ROBO1: variants seen among roughly 807,000 people sequenced by gnomAD.
The protein encoded by ROBO1 is roundabout homolog 1.
Under a neutral mutation model 195.9 loss-of-function variants are expected in ROBO1, and 149 were observed. That is an observed-to-expected ratio of 0.76 (90% confidence interval 0.67 to 0.87). ROBO1 has a LOEUF of 0.87. Among genes scored for constraint, ROBO1 ranks in the 40% least tolerant of loss-of-function variants. ROBO1 has a pLI of 0.00. For missense variants in ROBO1, 1,933 were observed against 2,068.3 expected, an observed-to-expected ratio of 0.93 and a Z score of 1.27; for synonymous variants, 816 against 733.2, an observed-to-expected ratio of 1.11 and a Z score of -1.82.
chr3:78,869,824 C>A (rs965742547), intron 4 of ROBO1, among the ~76,000 whole-genome samples: 1 of 152,102 alleles, frequency 6.6e-6, no homozygotes, highest in African/African-American at 2.4e-5. Context: ...ATTAGTAATA[C>A]CTTCTTCACT....
intron 1 of ROBO1, among the ~76,000 whole-genome samples, chr3:79,713,934 T>C (rs1489402868): frequency 6.6e-6 from 1 of 152,160 alleles, no homozygotes; most frequent in Non-Finnish European, 1.5e-5. Flanking sequence ...GAGGGCTCTG[T>C]TCTGTTCCAT....
intron 2 of ROBO1, among the ~76,000 whole-genome samples, chr3:79,300,890 C>G (rs1041524828): frequency 6.6e-6 from 1 of 152,090 alleles, no homozygotes; most frequent in Non-Finnish European, 1.5e-5. Context: ...TCTAGCTAAT[C>G]TGTTGGGGAG....
intron 2 of ROBO1, among the ~76,000 whole-genome samples, chr3:79,577,902 ACT>A (rs1274314762): frequency 1.3e-5 from 2 of 151,954 alleles, no homozygotes; most frequent in African/African-American, 2.4e-5. Flanking sequence ...ACAGAGGGAG[ACT>A]CTGTCTCAAA....
chr3:79,562,155 G>A (rs1479039342), intron 2 of ROBO1, among the ~76,000 whole-genome samples: 2 of 152,006 alleles, frequency 1.3e-5, no homozygotes, highest in African/African-American at 4.8e-5. Flanking sequence ...AGTTCAAAAT[G>A]TTCTGTCTAT....
intron 17 of ROBO1, among the ~76,000 whole-genome samples, chr3:78,659,156 A>C (rs1707223906): frequency 6.6e-6 from 1 of 152,180 alleles, no homozygotes; most frequent in South Asian, 2.1e-4. Context: ...TTAAGAAAAC[A>C]CTTAAAAGTA....
chr3:78,600,157 G>A lies in ROBO1; in HGVS notation c.4897C>T (p.Leu1633Phe). 6.2e-7 allele frequency: 1 copy of A among 1,613,214 alleles called. No homozygotes were observed. Among genetic ancestry groups the A allele is most frequent in the Non-Finnish European group, 8.5e-7 (1 of 1,179,480 alleles). The change falls in exon 30 of 31, where the codon CTT (leucine) becomes TTT (phenylalanine). Residue 1633 changes from leucine to phenylalanine, a missense_variant. Transcript: ENST00000464233. ...TCTTCTCCTCTTTCATATCCTCCAA[G>A]TACCTGCATTTCTGCAATATTTCTT... ...GRRNIAEMQV[L>F]GGYERGEDNN...
intron 1 of ROBO1, among the ~76,000 whole-genome samples, chr3:79,707,276 G>A (rs967761359): frequency 1.3e-5 from 2 of 152,048 alleles, no homozygotes; most frequent in Admixed American, 1.3e-4. Flanking sequence ...TACCAAATTC[G>A]TGGGCCTAGA....
chr3:79,689,364 C>T (rs574741456), intron 1 of ROBO1, among the ~76,000 whole-genome samples: 6 of 152,054 alleles, frequency 3.9e-5, no homozygotes, highest in South Asian at 2.1e-4. Flanking sequence ...TAGAAACAAA[C>T]GCTGGGTGCC....
chr3:78,873,848 A>G (rs950041437), intron 4 of ROBO1, among the ~76,000 whole-genome samples: 2 of 152,096 alleles, frequency 1.3e-5, no homozygotes, highest in African/African-American at 4.8e-5. Flanking sequence ...CTCACTGAAT[A>G]TATACAGCAA....
At chr3:78,869,370 C>T (rs148275375) in intron 4 of ROBO1, among the ~76,000 whole-genome samples, 21 of 152,206 alleles carry the variant, frequency 1.4e-4, no homozygotes, top group African/African-American at 4.8e-4. Context: ...TTTAAACAAA[C>T]GTTGATCTTT....
At chr3:79,607,693 G>A (rs933076918) in intron 1 of ROBO1, among the ~76,000 whole-genome samples, 1 of 150,978 alleles carries the variant, frequency 6.6e-6, no homozygotes, top group African/African-American at 2.4e-5. Context: ...TCTGATGAAA[G>A]TGAATTTAGA....
At chr3:79,054,829 G>T (rs1381460964) in intron 3 of ROBO1, among the ~76,000 whole-genome samples, 1 of 152,068 alleles carries the variant, frequency 6.6e-6, no homozygotes, top group Admixed American at 6.6e-5. Flanking sequence ...CCAGTCCCAG[G>T]CCCCAATATC....
chr3:79,478,238 T>A (rs1353031102), intron 2 of ROBO1, among the ~76,000 whole-genome samples: 2 of 152,040 alleles, frequency 1.3e-5, no homozygotes, highest in Non-Finnish European at 2.9e-5. Context: ...TGCCAAACGA[T>A]CGTCTTGGAG....
chr3:79,519,601 C>G (rs1426667698), intron 2 of ROBO1, among the ~76,000 whole-genome samples: 1 of 121,118 alleles, frequency 8.3e-6, no homozygotes, highest in Admixed American at 1.1e-4. Context: ...TGCACTCCAG[C>G]CTGGGTGACA....
chr3:79,373,633 A>G (rs981893817), intron 2 of ROBO1, among the ~76,000 whole-genome samples: 1 of 152,242 alleles, frequency 6.6e-6, no homozygotes, highest in Non-Finnish European at 1.5e-5. Context: ...ATGGAATTGT[A>G]TCTGATCTTT....
intron 1 of ROBO1, among the ~76,000 whole-genome samples, chr3:79,730,741 T>C (rs1703108233): frequency 6.6e-6 from 1 of 151,252 alleles, no homozygotes; most frequent in Non-Finnish European, 1.5e-5. Context: ...TTGTAATCAC[T>C]GTGAAAATGT....
At chr3:79,683,898 CT>C (rs1355214054) in intron 1 of ROBO1, among the ~76,000 whole-genome samples, 1 of 151,948 alleles carries the variant, frequency 6.6e-6, no homozygotes, top group East Asian at 1.9e-4. Context: ...ATGAATAATA[CT>C]CTTATGAATA....
chr3:79,389,040 A>C (rs549077108), intron 2 of ROBO1, among the ~76,000 whole-genome samples: 2 of 152,146 alleles, frequency 1.3e-5, no homozygotes, highest in South Asian at 4.1e-4. Flanking sequence ...ATTAATAATA[A>C]AATTAATTAT....
intron 2 of ROBO1, among the ~76,000 whole-genome samples, chr3:79,575,104 A>G (rs1242931920): frequency 7.3e-6 from 1 of 136,832 alleles, no homozygotes; most frequent in African/African-American, 2.8e-5. Context: ...AAACAAATAT[A>G]TATATATAAC....
Sources: gnomAD v4.1 joint callset for allele counts (sites outside exome capture counted in the v4.1 genomes callset) on GRCh38, gnomAD v4.1.1 for gene constraint, MANE v1.5 for transcripts, NCBI Gene and HGNC (gene_info 2026-07-23, HGNC 2026-07-21) for gene names.